The following CHLSN variants were observed in gnomAD, a reference collection of about 807,000 sequenced individuals.
The protein encoded by CHLSN is protein cholesin.
At chr7:1,043,387 G>A in the CHLSN span, 3 of 152,360 alleles carry the variant, frequency 2.0e-5, no homozygotes, top group East Asian at 1.9e-4. Context: ...ATAAAGTAAT[G>A]GCATAGCTAA....
the CHLSN span, among the ~76,000 whole-genome samples, chr7:1,016,693 GCA>G: frequency 1.4e-5 from 1 of 71,636 alleles, no homozygotes; most frequent in Non-Finnish European, 2.6e-5. Flanking sequence ...GCACAGCAGC[GCA>G]TGCCAGCACA....
At chr7:1,063,698 AG>A in the CHLSN span, among the ~76,000 whole-genome samples, 1 of 152,360 alleles carries the variant, frequency 6.6e-6, no homozygotes, top group Middle Eastern at 3.4e-3. Context: ...GTGCCAAGCC[AG>A]GGGAGGATTA....
chr7:1,102,947 C>T, the CHLSN span, among the ~76,000 whole-genome samples: 4 of 152,220 alleles, frequency 2.6e-5, no homozygotes, highest in Non-Finnish European at 5.9e-5. Context: ...AAACACTGTA[C>T]AGGGAGGTGG....
At chr7:1,136,391 T>TATATATAAACATATATAAAC in the CHLSN span, among the ~76,000 whole-genome samples, 1 of 28,762 alleles carries the variant, frequency 3.5e-5, no homozygotes, top group African/African-American at 3.0e-4. Context: ...TATATAAACA[T>TATATATAAACATATATAAAC]ATATATAAAT....
chr7:1,127,959 G>A, the CHLSN span, among the ~76,000 whole-genome samples: 2 of 36,776 alleles, frequency 5.4e-5, 1 homozygote, highest in Non-Finnish European at 8.9e-5. Context: ...CCTGTCACCC[G>A]GGCTGGAGTG....
the CHLSN span, chr7:1,058,154 C>T: frequency 1.4e-6 from 1 of 739,788 alleles, no homozygotes; most frequent in East Asian, 2.5e-5. Flanking sequence ...TCTCCCGCGT[C>T]CGCAGGGAGG....
the CHLSN span, among the ~76,000 whole-genome samples, chr7:1,067,176 G>A: frequency 6.9e-6 from 1 of 145,694 alleles, no homozygotes; most frequent in African/African-American, 2.6e-5. Flanking sequence ...AGTGCACCCA[G>A]AGGTGAGGGT....
the CHLSN span, chr7:984,988 C>T: frequency 6.8e-6 from 11 of 1,609,710 alleles, no homozygotes; most frequent in East Asian, 4.5e-5. Flanking sequence ...GAGGGCTGCC[C>T]GCCAGTTCAC....
chr7:1,042,862 C>G, the CHLSN span, among the ~76,000 whole-genome samples: 1 of 152,130 alleles, frequency 6.6e-6, no homozygotes, highest in Non-Finnish European at 1.5e-5. Context: ...AGTCCCAAAC[C>G]CTGATCTAAA....
chr7:1,130,597 C>T, the CHLSN span, among the ~76,000 whole-genome samples: 1 of 152,026 alleles, frequency 6.6e-6, no homozygotes, highest in East Asian at 1.9e-4. Context: ...CTCCTCCCTA[C>T]ACTCCTCCCC....
the CHLSN span, among the ~76,000 whole-genome samples, chr7:1,012,015 C>T: frequency 6.6e-6 from 1 of 152,186 alleles, no homozygotes; most frequent in Non-Finnish European, 1.5e-5. Flanking sequence ...CTGACCGGCT[C>T]CAACCAGCTC....
the CHLSN span, among the ~76,000 whole-genome samples, chr7:1,110,167 C>A: frequency 6.6e-6 from 1 of 152,084 alleles, no homozygotes; most frequent in Admixed American, 6.5e-5. Flanking sequence ...AGAGCTCTGG[C>A]GGCACCAGCG....
At chr7:1,103,969 G>T in the CHLSN span, among the ~76,000 whole-genome samples, 1 of 152,228 alleles carries the variant, frequency 6.6e-6, no homozygotes, top group African/African-American at 2.4e-5. Context: ...TGCCCAGGGA[G>T]TAAGTTCCCA....
At chr7:986,975 C>A in the CHLSN span, 1 of 1,356,218 alleles carries the variant, frequency 7.4e-7, no homozygotes, top group Non-Finnish European at 9.7e-7. Flanking sequence ...TAGTGCCTGC[C>A]TCGGGGACGC....
the CHLSN span, among the ~76,000 whole-genome samples, chr7:1,085,046 G>A: frequency 5.4e-4 from 83 of 152,370 alleles, no homozygotes; most frequent in Non-Finnish European, 2.5e-4. Context: ...GGCTTTGCAC[G>A]CGAGGACTGA....
the CHLSN span, chr7:985,008 C>T: frequency 6.2e-7 from 1 of 1,611,612 alleles, no homozygotes; most frequent in South Asian, 1.1e-5. Flanking sequence ...CGGTGCGTGC[C>T]CTGCACAGCC....
At chr7:1,107,880 T>TCTGCG in the CHLSN span, among the ~76,000 whole-genome samples, 1 of 146,136 alleles carries the variant, frequency 6.8e-6, no homozygotes, top group African/African-American at 2.6e-5. Context: ...TGTCCCACAC[T>TCTGCG]GGAGACCCGC....
the CHLSN span, among the ~76,000 whole-genome samples, chr7:1,132,274 G>A: frequency 3.3e-5 from 5 of 152,220 alleles, no homozygotes; most frequent in African/African-American, 1.2e-4. Context: ...GAGGCTGAGT[G>A]CAGTGGCTAA....
At chr7:1,098,636 G>C in the CHLSN span, among the ~76,000 whole-genome samples, 2 of 146,714 alleles carry the variant, frequency 1.4e-5, no homozygotes, top group Admixed American at 6.8e-5. Flanking sequence ...GCCACGCTCA[G>C]TGAGATAAAG....
Sources: gnomAD v4.1 joint callset for allele counts (sites outside exome capture counted in the v4.1 genomes callset) on GRCh38, gnomAD v4.1.1 for gene constraint, MANE v1.5 for transcripts, NCBI Gene and HGNC (gene_info 2026-07-23, HGNC 2026-07-21) for gene names.